TRIB3: variants seen among roughly 807,000 people sequenced by gnomAD.
TRIB3 encodes the protein tribbles pseudokinase 3.
In TRIB3, 20 loss-of-function variants were observed where a neutral mutation model predicts 16.6. The ratio of observed to expected loss-of-function variants is 1.20; its 90% confidence interval spans 0.85 to 1.75. The LOEUF (loss-of-function observed/expected upper bound fraction) is 1.75, where lower values mean the gene tolerates loss of function less well. TRIB3 is among the 40% of genes most tolerant of loss of function. The pLI is 0.00. For synonymous variants in TRIB3, 208 were observed against 217.0 expected, an observed-to-expected ratio of 0.96 and a Z score of 0.36; for missense variants, 484 against 488.9, an observed-to-expected ratio of 0.99 and a Z score of 0.10.
chr20:381,699 T>C (rs998558877), intron 1 of TRIB3, among the ~76,000 whole-genome samples: 14 of 151,628 alleles, frequency 9.2e-5, no homozygotes, highest in African/African-American at 3.4e-4. Flanking sequence ...GTGGCAGGGG[T>C]TGGCGGTGCA....
At chr20:395,804 G>A (rs936552694) in intron 3 of TRIB3, among the ~76,000 whole-genome samples, 12 of 152,096 alleles carry the variant, frequency 7.9e-5, no homozygotes, top group Admixed American at 2.6e-4. Context: ...AATGCGTTGT[G>A]TACCCTTTTT....
At chr20:394,257 C>T (rs566993872) in intron 3 of TRIB3, among the ~76,000 whole-genome samples, 18 of 152,242 alleles carry the variant, frequency 1.2e-4, no homozygotes, top group Middle Eastern at 3.4e-3. Context: ...TCTCGAAATC[C>T]GCCTGCCTTG....
In TRIB3 at chr20:390,503, G is replaced by A. The variant is rs189923993; in HGVS notation, c.292-784G>A. Among the ~76,000 whole-genome samples the A allele has an allele frequency of 4.6e-3, 704 of 152,316 alleles. 1 individual carries two copies. The highest frequency in any genetic ancestry group is 8.2e-3 in the Non-Finnish European group (560 of 68,024). ...GTCTAGCTGGACATGTGGCTGGCCC[G>A]TGCAGGCCCAGGGCCAGCATACTGA... On this transcript the variant is annotated intron_variant, in intron 2 of 3. Transcript: ENST00000217233.
chr20:391,641 G>C (rs2014984980), intron 3 of TRIB3, 62 bp downstream of exon 3: 5 of 1,551,054 alleles, frequency 3.2e-6, no homozygotes, highest in Non-Finnish European at 4.4e-6. Context: ...ATGATGGAGA[G>C]AAACCGAGGC....
At position 391,499 on chromosome 20, in the gene TRIB3, C is replaced by T. The variant is rs966310234; in HGVS notation, c.504C>T (p.Thr168=). ...EAAVLFRQMA[T]ALAHCHQHGL... is the part of the protein sequence containing the mutation. Reference sequence around the variant, plus strand: ...CCGTGCTCTTCCGCCAGATGGCCACCGCCCTGGCGCACTGTCACCAGCACG... The same window carrying T: ...CCGTGCTCTTCCGCCAGATGGCCACTGCCCTGGCGCACTGTCACCAGCACG... Residue 168 remains threonine (T), a synonymous_variant, in exon 3 of 4, where the codon ACC becomes ACT. Coordinates refer to ENST00000217233, the MANE Select transcript of TRIB3 (RefSeq NM_021158.5). 1.2e-5 allele frequency: 20 copies of T among 1,613,610 alleles called. No homozygotes were observed. The highest frequency in any genetic ancestry group is 1.6e-4 in the Middle Eastern group (1 of 6,082).
In TRIB3 at chr20:391,383, A is replaced by T. The variant is rs887503755; in HGVS notation, c.388A>T (p.Thr130Ser). 1.2e-5 allele frequency: 20 copies of T among 1,613,460 alleles called. No homozygotes were observed. Among genetic ancestry groups the T allele is most frequent in the Non-Finnish European group, 1.7e-5 (20 of 1,180,020 alleles). Residue 130 changes from threonine to serine, a missense_variant, in exon 3 of 4, where the codon ACC becomes TCC. By Grantham distance (58) the Thr-to-Ser change is moderately conservative. Transcript: ENST00000217233. ...VARPTEVLAGTQLLYAFFTRT... is the reference protein window; with the variant it reads ...VARPTEVLAGSQLLYAFFTRT... ...TCGGCCCACTGAGGTCCTGGCTGGT[A>T]CCCAGCTCCTCTACGCCTTTTTCAC...
rs1475836304 is a variant in TRIB3, at chr20:380,978, G to GATTAGCTCCGGTTTTCATCA, written c.-192_-191insATTAGCTCCGGTTTTCATCA. The GATTAGCTCCGGTTTTCATCA allele has an allele frequency of 6.6e-6, 1 of 150,488 alleles. No individual in the cohort carries two copies. Among genetic ancestry groups the GATTAGCTCCGGTTTTCATCA allele is most frequent in the Non-Finnish European group, 1.5e-5 (1 of 67,498 alleles). The allele number at this position is 150,488 out of a possible 1,614,324, so 9.3% of individuals were successfully genotyped here. On this transcript the variant is annotated 5_prime_UTR_variant, in exon 1 of 4. An upstream open reading frame in the 5' UTR loses its in-frame stop. Coordinates refer to ENST00000217233, the MANE Select transcript of TRIB3 (RefSeq NM_021158.5). Reference sequence around the variant, plus strand: ...CCGGTTTGCATCACCCGGACCGGGGGCCGGGCGCGCACGAGACTCGCAGCG... The same window carrying GATTAGCTCCGGTTTTCATCA: ...CCGGTTTGCATCACCCGGACCGGGGGATTAGCTCCGGTTTTCATCACCGGGCGCGCACGAGACTCGCAGCG...
At chr20:390,086 G>A (rs2014931547) in intron 2 of TRIB3, among the ~76,000 whole-genome samples, 1 of 152,138 alleles carries the variant, frequency 6.6e-6, no homozygotes, top group Non-Finnish European at 1.5e-5. Context: ...CAGCACTTTG[G>A]GAGGCCGAGG....
intron 1 of TRIB3, among the ~76,000 whole-genome samples, chr20:387,739 T>C (rs989473823): frequency 7.2e-5 from 11 of 152,198 alleles, no homozygotes; most frequent in African/African-American, 2.7e-4. Flanking sequence ...AGCTTTCTAC[T>C]GCCTGACATT....
chr20:388,499 C>G (rs960608343), intron 2 of TRIB3, among the ~76,000 whole-genome samples, 198 bp downstream of exon 2: 1 of 152,310 alleles, frequency 6.6e-6, no homozygotes, highest in Non-Finnish European at 1.5e-5. Flanking sequence ...GGGGAGTTCA[C>G]AGCTTAGGCC....
At chr20:382,130 T>TGTGC (rs1415937656) in intron 1 of TRIB3, among the ~76,000 whole-genome samples, 1 of 135,098 alleles carries the variant, frequency 7.4e-6, no homozygotes, top group Non-Finnish European at 1.7e-5. Flanking sequence ...TGTGTGTGCG[T>TGTGC]GCGCGCGCGC....
chr20:381,758 A>C (rs1410061288), intron 1 of TRIB3, among the ~76,000 whole-genome samples: 1 of 151,742 alleles, frequency 6.6e-6, no homozygotes, highest in East Asian at 2.0e-4. Context: ...GGGGGAGCCG[A>C]GGGAGTGGGA....
intron 1 of TRIB3, among the ~76,000 whole-genome samples, chr20:384,130 G>A (rs553724510): frequency 2.6e-5 from 4 of 152,172 alleles, no homozygotes; most frequent in African/African-American, 9.6e-5. Flanking sequence ...CCCTAGTCCA[G>A]GTCACCTTCT....
At chr20:383,016 A>G (rs756736398) in intron 1 of TRIB3, among the ~76,000 whole-genome samples, 2 of 152,174 alleles carry the variant, frequency 1.3e-5, no homozygotes, top group African/African-American at 2.4e-5. Context: ...TCTCGCACCA[A>G]TGCCCATACC....
chr20:386,236 C>CTG (rs1285233062), intron 1 of TRIB3, among the ~76,000 whole-genome samples: 2 of 152,030 alleles, frequency 1.3e-5, no homozygotes, highest in Non-Finnish European at 2.9e-5. Flanking sequence ...TGCTGTCTAA[C>CTG]CTACTTCTCT....
intron 2 of TRIB3, 97 bp downstream of exon 2, chr20:388,398 T>C: frequency 7.2e-7 from 1 of 1,397,928 alleles, no homozygotes; most frequent in Non-Finnish European, 9.5e-7. Context: ...CTTATGTTCA[T>C]TCATTCTTGT....
intron 1 of TRIB3, among the ~76,000 whole-genome samples, chr20:384,371 TTC>T (rs2014739152): frequency 1.3e-5 from 2 of 152,298 alleles, no homozygotes; most frequent in African/African-American, 4.8e-5. Flanking sequence ...TTTCTTCTTT[TTC>T]TCTTTTTTTG....
chr20:383,690 T>C (rs898720155), intron 1 of TRIB3, among the ~76,000 whole-genome samples: 10 of 152,156 alleles, frequency 6.6e-5, no homozygotes, highest in Non-Finnish European at 1.5e-4. Flanking sequence ...TCTTCCTGCT[T>C]CAGCCTCCCA....
intron 1 of TRIB3, among the ~76,000 whole-genome samples, chr20:387,032 T>G (rs1209457597): frequency 6.6e-6 from 1 of 150,538 alleles, no homozygotes; most frequent in Non-Finnish European, 1.5e-5. Flanking sequence ...ATTACAGGCG[T>G]GAGCCACCAC....
Sources: gnomAD v4.1 joint callset for allele counts (sites outside exome capture counted in the v4.1 genomes callset) on GRCh38, gnomAD v4.1.1 for gene constraint, MANE v1.5 for transcripts, NCBI Gene and HGNC (gene_info 2026-07-23, HGNC 2026-07-21) for gene names.